Variants in CFAP61 observed in about 807,000 individuals in gnomAD.
CFAP61 encodes the protein cilia- and flagella-associated protein 61.
CFAP61 carries 107 observed loss-of-function variants against 135.6 expected under a neutral mutation model. The observed-to-expected ratio is 0.79, with a 90% CI of 0.67 to 0.93. The LOEUF is 0.93. Ranked by LOEUF, CFAP61 falls within the 40% of genes least tolerant of loss-of-function variation. The probability of loss-of-function intolerance (pLI) is 0.00; values close to 1 mark genes in which losing one functional copy is unlikely to be tolerated. For synonymous variants in CFAP61, 575 were observed against 578.5 expected (o/e 0.99, Z 0.09); for missense variants, 1,507 against 1,556.2 (o/e 0.97, Z 0.53).
At chr20:20,347,225 C>G (rs1435519482) in intron 26 of CFAP61, among the ~76,000 whole-genome samples, 1 of 152,082 alleles carries the variant, frequency 6.6e-6, no homozygotes, top group Non-Finnish European at 1.5e-5. Context: ...ATACAACATA[C>G]CAACATTTAT....
At chr20:20,221,373 C>T (rs2048387796) in intron 17 of CFAP61, 1 of 152,132 alleles carries the variant, frequency 6.6e-6, no homozygotes, top group African/African-American at 2.4e-5. Flanking sequence ...ATCATATGAG[C>T]TACTTGTTTG....
chr20:20,129,406 CTGTATGG>C (rs1030645491), intron 8 of CFAP61, among the ~76,000 whole-genome samples: 1 of 151,774 alleles, frequency 6.6e-6, no homozygotes, highest in Non-Finnish European at 1.5e-5. Flanking sequence ...CCCACCTGCC[CTGTATGG>C]TTTCTGTGAA....
chr20:20,275,239 G>A (rs1030572378), intron 21 of CFAP61, among the ~76,000 whole-genome samples: 1 of 152,196 alleles, frequency 6.6e-6, no homozygotes, highest in Non-Finnish European at 1.5e-5. Flanking sequence ...CAGATCAGCT[G>A]ACATCAGTCC....
chr20:20,319,312 A>G (rs147739129), intron 25 of CFAP61, among the ~76,000 whole-genome samples: 2 of 152,356 alleles, frequency 1.3e-5, no homozygotes, highest in East Asian at 3.9e-4. Context: ...TAATGAGGCA[A>G]TGTCTTCAAA....
chr20:20,357,410 C>T (rs112028027), intron 26 of CFAP61, among the ~76,000 whole-genome samples: 370 of 25,088 alleles, frequency 0.015, no homozygotes, highest in Middle Eastern at 0.062. Flanking sequence ...GAGGTGGTCA[C>T]AGTGTGAGGG....
chr20:20,055,862 G>T, intron 1 of CFAP61: 1 of 1,048,396 alleles, frequency 9.5e-7, no homozygotes, highest in Non-Finnish European at 1.5e-6. Context: ...CTTTCCCTAT[G>T]AAGGAAAGAA....
At chr20:20,078,898 T>A (rs999827039) in intron 6 of CFAP61, among the ~76,000 whole-genome samples, 2 of 152,172 alleles carry the variant, frequency 1.3e-5, no homozygotes, top group Admixed American at 1.3e-4. Flanking sequence ...GTATCAGGAA[T>A]GAAAGAGGTG....
rs2047169601 is a variant in CFAP61, at chr20:20,091,119, GCACCAGGCCAGCTTCCTCC to G, written c.699+145_699+163del. ...CCCTCCCACTGCCCTTCCAGGTGGT[GCACCAGGCCAGCTTCCTCC>G]CCTGGGTTACTGGCTTTAGGTTGTC... On this transcript the variant is annotated intron_variant, in intron 7 of 26. Transcript: ENST00000245957. 5 of 907,740 alleles carry G rather than the reference GCACCAGGCCAGCTTCCTCC, an allele frequency of 5.5e-6. No homozygotes were observed. The Middle Eastern group carries it at 1.2e-3, about 213-fold the overall frequency. 56.2% of individuals were successfully genotyped at this position (907,740 alleles called of 1,614,324 possible).
chr20:20,170,837 G>T (rs1414728055), intron 13 of CFAP61, among the ~76,000 whole-genome samples: 2 of 152,204 alleles, frequency 1.3e-5, no homozygotes, highest in Non-Finnish European at 2.9e-5. Context: ...CTAGGATGGT[G>T]AGAAAAGCAG....
At chr20:20,064,283 G>A (rs1048401549) in intron 2 of CFAP61, among the ~76,000 whole-genome samples, 12 of 152,042 alleles carry the variant, frequency 7.9e-5, no homozygotes, top group South Asian at 4.1e-4. Flanking sequence ...ACAATTTCAC[G>A]GATTAAAGAT....
At chr20:20,187,193 C>T (rs2055565509) in intron 13 of CFAP61, among the ~76,000 whole-genome samples, 1 of 152,208 alleles carries the variant, frequency 6.6e-6, no homozygotes, top group African/African-American at 2.4e-5. Context: ...CCTCTCTATA[C>T]CCTTGTCCAG....
At chr20:20,106,050 A>ATATATATATATATATATAT (rs1568916492) in intron 8 of CFAP61, among the ~76,000 whole-genome samples, 2 of 110,746 alleles carry the variant, frequency 1.8e-5, no homozygotes, top group Non-Finnish European at 3.4e-5. Flanking sequence ...ATATATATAT[A>ATATATATATATATATATAT]AAATTTGATT....
chr20:20,108,857 T>C (rs2048594058), intron 8 of CFAP61, among the ~76,000 whole-genome samples: 1 of 152,184 alleles, frequency 6.6e-6, no homozygotes, highest in Admixed American at 6.6e-5. Flanking sequence ...TCCACTGATA[T>C]CAGGAAATTA....
At chr20:20,185,361 A>T (rs1262402589) in intron 13 of CFAP61, among the ~76,000 whole-genome samples, 1 of 152,220 alleles carries the variant, frequency 6.6e-6, no homozygotes, top group Non-Finnish European at 1.5e-5. Flanking sequence ...AGACACTAGT[A>T]TGCTGTTCCA....
chr20:20,232,585 A>G (rs186488193), intron 18 of CFAP61, among the ~76,000 whole-genome samples: 1 of 152,262 alleles, frequency 6.6e-6, no homozygotes, highest in Non-Finnish European at 1.5e-5. Flanking sequence ...GCAGAACAGC[A>G]TCTTGACTGT....
intron 25 of CFAP61, among the ~76,000 whole-genome samples, chr20:20,309,008 ATGCATT>A (rs753701503): frequency 4.5e-4 from 68 of 152,198 alleles, no homozygotes; most frequent in Non-Finnish European, 9.0e-4. Flanking sequence ...GTGAAAATAA[ATGCATT>A]TCAGAAATCA....
chr20:20,256,978 TC>T (rs1408266006), intron 20 of CFAP61, among the ~76,000 whole-genome samples: 1 of 152,148 alleles, frequency 6.6e-6, no homozygotes, highest in Non-Finnish European at 1.5e-5. Context: ...GGCTGGGTGA[TC>T]AAATTGCATT....
intron 2 of CFAP61, among the ~76,000 whole-genome samples, chr20:20,062,665 C>G (rs2044895009): frequency 6.6e-6 from 1 of 152,038 alleles, no homozygotes; most frequent in African/African-American, 2.4e-5. Context: ...AGGACATAAT[C>G]ACAAATGTTG....
intron 20 of CFAP61, among the ~76,000 whole-genome samples, chr20:20,261,248 T>C (rs187504659): frequency 1.3e-4 from 20 of 152,378 alleles, no homozygotes; most frequent in Middle Eastern, 3.4e-3. Context: ...ACAATTTCTA[T>C]TGAGGAAGTG....
Sources: gnomAD v4.1 joint callset for allele counts (sites outside exome capture counted in the v4.1 genomes callset) on GRCh38, gnomAD v4.1.1 for gene constraint, MANE v1.5 for transcripts, NCBI Gene and HGNC (gene_info 2026-07-23, HGNC 2026-07-21) for gene names.